CYP2C18: variants seen among roughly 807,000 people sequenced by gnomAD.
The protein encoded by CYP2C18 is cytochrome P450 family 2 subfamily C member 18, also known as cytochrome P450 2C18.
In CYP2C18, 38 loss-of-function variants were observed where a neutral mutation model predicts 41.3. That is an observed-to-expected ratio of 0.92 (90% confidence interval 0.71 to 1.21). The LOEUF (loss-of-function observed/expected upper bound fraction) is 1.21. CYP2C18 is among the 50% of genes most tolerant of loss of function. The pLI is 0.00. For missense variants in CYP2C18, 635 were observed against 591.4 expected (o/e 1.07, Z -0.77); for synonymous variants, 236 against 210.0 (o/e 1.12, Z -1.07).
rs1847915813 is a variant in CYP2C18, at chr10:94,736,139, C to G, written c.*695C>G. ...GATCAAGATTTGGATAATCTTTTTC[C>G]TTTGTGTTTCCAACTTAGATCATGT... On this transcript the variant is annotated 3_prime_UTR_variant, in exon 9 of 9. Coordinates refer to ENST00000285979, the MANE Select transcript of CYP2C18 (RefSeq NM_000772.3). 1.3e-5 allele frequency: 2 copies of G among 152,088 alleles called. No homozygotes were observed. The highest frequency in any genetic ancestry group is 2.9e-5 in the Non-Finnish European group (2 of 68,004). 9.4% of individuals were successfully genotyped at this position (152,088 alleles called of 1,614,324 possible). A position where few individuals can be genotyped will look rare whatever the true frequency, so the allele number is the denominator to read the frequency against.
At chr10:94,727,557 G>A (rs1847762869) in intron 7 of CYP2C18, among the ~76,000 whole-genome samples, 1 of 151,924 alleles carries the variant, frequency 6.6e-6, no homozygotes, top group South Asian at 2.1e-4. Context: ...TGACGCTGCT[G>A]TGAGCTATGG....
chr10:94,690,975 C>A (rs1289351822), intron 3 of CYP2C18, among the ~76,000 whole-genome samples: 2 of 104,398 alleles, frequency 1.9e-5, no homozygotes. Context: ...AATTCAACAA[C>A]CCTTCATGCT....
At chr10:94,725,227 A>T (rs1461255574) in intron 7 of CYP2C18, among the ~76,000 whole-genome samples, 1 of 151,308 alleles carries the variant, frequency 6.6e-6, no homozygotes, top group Non-Finnish European at 1.5e-5. Context: ...GATGTGTGCC[A>T]CTGCACCTGG....
At chr10:94,733,257 A>C in intron 7 of CYP2C18, 40 bp from the exon 8 acceptor site, 3 of 1,587,918 alleles carry the variant, frequency 1.9e-6, no homozygotes, top group Non-Finnish European at 2.6e-6. Context: ...CCACTCTTTG[A>C]CTTCTTTATA....
intron 6 of CYP2C18, among the ~76,000 whole-genome samples, chr10:94,722,948 A>T (rs1847671575): frequency 6.6e-6 from 1 of 152,146 alleles, no homozygotes; most frequent in South Asian, 2.1e-4. Flanking sequence ...ATTCTTACCA[A>T]ATGTCCAGCA....
intron 7 of CYP2C18, among the ~76,000 whole-genome samples, chr10:94,724,823 G>T (rs1182378329): frequency 6.6e-6 from 1 of 151,470 alleles, no homozygotes; most frequent in Non-Finnish European, 1.5e-5. Context: ...GTATCATTTT[G>T]TCAATTTCCC....
rs554988572 is a variant in CYP2C18 at position 94,728,600 on chromosome 10, A to G, written c.1149+4067A>G. ...AAGAGTTCCCCCACGTGTTTTAACT[A>G]AAAGAAACATATAGCATTTCTGTGA... is the stretch of plus-strand genomic sequence containing the variant. On this transcript the variant is annotated intron_variant, in intron 7 of 8. Transcript: ENST00000285979. The G allele has an allele frequency of 5.2e-6, 5 of 970,744 alleles. No homozygotes were observed. The African/African-American group carries it at 8.8e-5, about 17-fold the overall frequency. The allele number at this position is 970,744 out of a possible 1,614,324, so 60.1% of individuals were successfully genotyped here. A position where few individuals can be genotyped will look rare whatever the true frequency, so the allele number is the denominator to read the frequency against.
At chr10:94,690,181 C>T (rs958716351) in intron 3 of CYP2C18, among the ~76,000 whole-genome samples, 6 of 152,098 alleles carry the variant, frequency 3.9e-5, no homozygotes, top group African/African-American at 9.7e-5. Context: ...ACAAAATCCT[C>T]GGTGAATTTT....
chr10:94,733,598 C>T (rs1010809172), intron 8 of CYP2C18, 160 bp downstream of exon 8: 4 of 985,156 alleles, frequency 4.1e-6, no homozygotes, highest in East Asian at 2.3e-4. Flanking sequence ...GATGAACATC[C>T]CCATTATTGG....
intron 5 of CYP2C18, among the ~76,000 whole-genome samples, chr10:94,716,929 T>G (rs1306641776): frequency 1.3e-5 from 2 of 152,204 alleles, no homozygotes; most frequent in African/African-American, 4.8e-5. Flanking sequence ...CCTTTACCAT[T>G]ATGTAATGGC....
intron 4 of CYP2C18, among the ~76,000 whole-genome samples, chr10:94,696,636 C>CT (rs1398657453): frequency 6.6e-6 from 1 of 152,164 alleles, no homozygotes; most frequent in Admixed American, 6.5e-5. Context: ...CAGAGAATGA[C>CT]TTTGACGAGT....
Position 94,720,479 on chromosome 10 carries a change from A to C in CYP2C18, c.903A>C (p.Thr301=). Residue 301 remains threonine, a synonymous_variant, in exon 6 of 9, where the codon ACA becomes ACC. Transcript: ENST00000285979. ...VTDMFGAGTE[T]TSTTLRYGLL... ...ATATGTTTGGGGCTGGAACAGAGAC[A>C]ACGAGCACCACTCTGAGATATGGAC... The C allele has an allele frequency of 6.2e-7, 1 of 1,613,506 alleles. No homozygotes were observed. Among genetic ancestry groups the C allele is most frequent in the Non-Finnish European group, 8.5e-7 (1 of 1,179,614 alleles).
At chr10:94,723,033 A>G (rs1847672976) in intron 6 of CYP2C18, among the ~76,000 whole-genome samples, 5 of 152,148 alleles carry the variant, frequency 3.3e-5, no homozygotes, top group Admixed American at 3.3e-4. Flanking sequence ...GTTAAAGGGA[A>G]AGTCATAAAA....
At chr10:94,709,818 C>CAT (rs146312406) in intron 5 of CYP2C18, among the ~76,000 whole-genome samples, 3,842 of 152,250 alleles carry the variant, frequency 0.025, 147 homozygotes, top group African/African-American at 0.075. Context: ...TTTGCATGTG[C>CAT]ATTCAGTTGT....
intron 5 of CYP2C18, among the ~76,000 whole-genome samples, chr10:94,718,338 T>G (rs1847590761): frequency 1.3e-5 from 2 of 152,092 alleles, no homozygotes; most frequent in Non-Finnish European, 2.9e-5. Flanking sequence ...TTCTAAGAGT[T>G]TTTTGGTGAT....
intron 7 of CYP2C18, among the ~76,000 whole-genome samples, chr10:94,727,687 C>T (rs1847765843): frequency 2.0e-5 from 3 of 151,956 alleles, no homozygotes; most frequent in Admixed American, 2.0e-4. Flanking sequence ...CCCCACTCTC[C>T]ACATTACTGG....
intron 1 of CYP2C18, among the ~76,000 whole-genome samples, 179 bp from the exon 2 acceptor site, chr10:94,687,591 G>A (rs1846913425): frequency 6.6e-6 from 1 of 152,212 alleles, no homozygotes; most frequent in Non-Finnish European, 1.5e-5. Context: ...TGAAGGCACT[G>A]TATATGTGCA....
At chr10:94,720,742 A>G (rs1847633329) in intron 6 of CYP2C18, among the ~76,000 whole-genome samples, 1 of 152,190 alleles carries the variant, frequency 6.6e-6, no homozygotes. Flanking sequence ...AGGTGAAGAC[A>G]GTGTGATCAG....
intron 4 of CYP2C18, among the ~76,000 whole-genome samples, chr10:94,702,285 G>T (rs1324954280): frequency 6.6e-6 from 1 of 152,108 alleles, no homozygotes; most frequent in African/African-American, 2.4e-5. Flanking sequence ...GGCCTGTCTT[G>T]CTAGGTTGGG....
Sources: gnomAD v4.1 joint callset for allele counts (sites outside exome capture counted in the v4.1 genomes callset) on GRCh38, gnomAD v4.1.1 for gene constraint, MANE v1.5 for transcripts, NCBI Gene and HGNC (gene_info 2026-07-23, HGNC 2026-07-21) for gene names.